PCDHGC4: variants seen among roughly 807,000 people sequenced by gnomAD.
The protein encoded by PCDHGC4 is protocadherin gamma-C4.
In PCDHGC4, 15 loss-of-function variants were observed where a neutral mutation model predicts 59.7. The ratio of observed to expected loss-of-function variants is 0.25; its 90% CI spans 0.17 to 0.39. The LOEUF is 0.39. Ranked by LOEUF, PCDHGC4 falls within the 10% of genes least tolerant of loss-of-function variation. The pLI is 1.00. For synonymous variants in PCDHGC4, 434 were observed against 481.4 expected (o/e 0.90, Z 1.29); for missense variants, 1,016 against 1,189.5 (o/e 0.85, Z 2.15).
At position 141,486,530 on chromosome 5, in the gene PCDHGC4, C is replaced by T; in HGVS notation, c.1357C>T (p.Pro453Ser). 6.2e-7 allele frequency: 1 copy of T among 1,614,174 alleles called. No homozygotes were observed. The highest frequency in any genetic ancestry group is 8.5e-7 in the Non-Finnish European group (1 of 1,180,022). The change falls in exon 1 of 4, where the codon CCC (proline) becomes TCC (serine). Residue 453 changes from proline (P) to serine (S), a missense_variant. By Grantham distance (74) the Pro-to-Ser change is moderately conservative. Transcript: ENST00000306593. The surrounding 1 kb of genome is among the most constrained non-coding windows in gnomAD (Gnocchi z 5.0). ...LNISDVNDNPPSFFQRSHEVF... is the reference protein window; with the variant it reads ...LNISDVNDNPSSFFQRSHEVF... Reference sequence around the variant, plus strand: ...TATTTCAGATGTGAATGATAATCCACCCTCTTTCTTTCAGAGGTCACATGA... The same window carrying T: ...TATTTCAGATGTGAATGATAATCCATCCTCTTTCTTTCAGAGGTCACATGA...
At position 141,505,406 on chromosome 5, in the gene PCDHGC4, G is replaced by A. The variant is rs546453598; in HGVS notation, c.2515G>A (p.Asp839Asn). 61 of 1,614,174 alleles carry A rather than the reference G, an allele frequency of 3.8e-5. No individual in the cohort carries two copies. The highest frequency in any genetic ancestry group is 1.1e-4 in the East Asian group (5 of 44,866). ...RPGTSGSQNG[D>N]DTGTWPNNQF... Reference sequence around the variant, plus strand: ...CTCTCTCCCCAGCTCCCAAAATGGCGATGACACCGGCACCTGGCCCAACAA... The same window carrying A: ...CTCTCTCCCCAGCTCCCAAAATGGCAATGACACCGGCACCTGGCCCAACAA... Residue 839 changes from aspartate to asparagine, a missense_variant, in exon 3 of 4, where the codon GAT (aspartate) becomes AAT (asparagine). Transcript: ENST00000306593.
At chr5:141,503,229 T>C (rs986982708) in intron 2 of PCDHGC4, among the ~76,000 whole-genome samples, 1 of 152,080 alleles carries the variant, frequency 6.6e-6, no homozygotes, top group African/African-American at 2.4e-5. Context: ...ACCGTAAAGA[T>C]GGACAGTTTC....
Position 141,490,900 on chromosome 5 carries a change from G to A in PCDHGC4, c.2442+3285G>A, listed in dbSNP as rs2099705863. 2 of 1,613,796 alleles carry A rather than the reference G, an allele frequency of 1.2e-6. No individual in the cohort carries two copies. The highest frequency in any genetic ancestry group is 2.7e-5 in the African/African-American group (2 of 75,050). ...TGCCAACACATCTCTGCATGTGTTT[G>A]TCCTAGACGAGAATGATAATGCCCC... On this transcript the variant is annotated intron_variant, in intron 1 of 3. Transcript: ENST00000306593. The surrounding 1 kb of genome is among the most constrained non-coding windows in gnomAD (Gnocchi z 5.4).
rs775654786 is a variant in PCDHGC4 at position 141,491,718 on chromosome 5, G to A, written c.2443-3089G>A. Reference sequence around the variant, plus strand: ...GGAGCCAGGTGAGGGGCTCGGCGCCGCCCCGGGCGACCCCTGGGGGCGGCA... The same window carrying A: ...GGAGCCAGGTGAGGGGCTCGGCGCCACCCCGGGCGACCCCTGGGGGCGGCA... On this transcript the variant is annotated intron_variant, in intron 1 of 3. Coordinates refer to ENST00000306593, the MANE Select transcript of PCDHGC4 (RefSeq NM_018928.3). This position sits in a 1 kb window ranked among gnomAD's most constrained non-coding sequence, Gnocchi z 6.9. 1 of 1,607,600 alleles carries A rather than the reference G, an allele frequency of 6.2e-7. No homozygotes were observed. The highest frequency in any genetic ancestry group is 2.2e-5 in the East Asian group (1 of 44,690).
Position 141,486,255 on chromosome 5 carries a change from A to G in PCDHGC4, c.1082A>G (p.Glu361Gly). 1 of 1,614,028 alleles carries G rather than the reference A, an allele frequency of 6.2e-7. No homozygotes were observed. ...TVTSELGTLP[E>G]SAEPGTVVAL... Reference sequence around the variant, plus strand: ...ACCTCAGAGCTTGGAACCCTCCCCGAGAGTGCAGAACCTGGCACTGTGGTG... The same window carrying G: ...ACCTCAGAGCTTGGAACCCTCCCCGGGAGTGCAGAACCTGGCACTGTGGTG... Residue 361 changes from glutamate to glycine, a missense_variant, in exon 1 of 4, where the codon GAG becomes GGG. Coordinates refer to ENST00000306593, the MANE Select transcript of PCDHGC4 (RefSeq NM_018928.3). This position sits in a 1 kb window ranked among gnomAD's most constrained non-coding sequence, Gnocchi z 5.0.
chr5:141,511,215 A>G lies in PCDHGC4; in HGVS notation c.*42A>G, dbSNP rs1562250541. On this transcript the variant is annotated 3_prime_UTR_variant, in exon 4 of 4. Coordinates refer to ENST00000306593, the MANE Select transcript of PCDHGC4 (RefSeq NM_018928.3). ...AGAGCCACAGGGCGGCCTCTCCCCA[A>G]CCAGCCCAGCTTCTCCTTACCTGCA... The G allele has an allele frequency of 1.2e-6, 2 of 1,608,380 alleles. No individual in the cohort carries two copies. The highest frequency in any genetic ancestry group is 2.2e-5 in the East Asian group (1 of 44,560).
rs770619389 is a variant in PCDHGC4 at position 141,490,764 on chromosome 5, T to C, written c.2442+3149T>C. On this transcript the variant is annotated intron_variant, in intron 1 of 3. Coordinates refer to ENST00000306593, the MANE Select transcript of PCDHGC4 (RefSeq NM_018928.3). The surrounding 1 kb of genome is among the most constrained non-coding windows in gnomAD (Gnocchi z 5.4). ...GAGCCCCAGCCTCCTCCTTTGTGTA[T>C]GTCAACCCAGAGGATGGACGGATCT... is the stretch of plus-strand genomic sequence containing the variant. 22 of 1,613,970 alleles carry C rather than the reference T, an allele frequency of 1.4e-5. No individual in the cohort carries two copies. Among genetic ancestry groups the C allele is most frequent in the Non-Finnish European group, 1.6e-5 (19 of 1,179,928 alleles).
intron 2 of PCDHGC4, among the ~76,000 whole-genome samples, chr5:141,503,456 A>G (rs920770738): frequency 1.3e-5 from 2 of 152,058 alleles, no homozygotes; most frequent in African/African-American, 4.8e-5. Context: ...TTCGCTGGGC[A>G]TGGTGGCATG....
At chr5:141,494,736 T>C in intron 1 of PCDHGC4, 71 bp from the exon 2 acceptor site, 1 of 1,611,858 alleles carries the variant, frequency 6.2e-7, no homozygotes, top group Non-Finnish European at 8.5e-7. Context: ...TCCCGGCCCA[T>C]CCCTAGGGGC....
At chr5:141,499,698 T>C (rs1312388510) in intron 2 of PCDHGC4, among the ~76,000 whole-genome samples, 2 of 149,810 alleles carry the variant, frequency 1.3e-5, no homozygotes, top group African/African-American at 2.5e-5. Context: ...ACTTTTTTTT[T>C]TTTTTTTTTT....
At chr5:141,502,368 G>A (rs2099813930) in intron 2 of PCDHGC4, among the ~76,000 whole-genome samples, 1 of 151,996 alleles carries the variant, frequency 6.6e-6, no homozygotes, top group East Asian at 1.9e-4. Context: ...TATTTTTAAA[G>A]AGTCCAGGCC....
chr5:141,489,904 C>T lies in PCDHGC4; in HGVS notation c.2442+2289C>T, dbSNP rs750411680. On this transcript the variant is annotated intron_variant, in intron 1 of 3. Transcript: ENST00000306593. This position sits in a 1 kb window ranked among gnomAD's most constrained non-coding sequence, Gnocchi z 4.5. ...TGCTGTGGATGGGGGGACCCCAGCC[C>T]GCTCAGGGACCACCCTTATCTCTGT... 1.6e-5 allele frequency: 26 copies of T among 1,614,092 alleles called. No homozygotes were observed. The highest frequency in any genetic ancestry group is 3.3e-5 in the Admixed American group (2 of 60,014).
Position 141,511,590 on chromosome 5 carries a change from A to C in PCDHGC4, c.*417A>C, listed in dbSNP as rs2099883868. On this transcript the variant is annotated 3_prime_UTR_variant, in exon 4 of 4. Transcript: ENST00000306593. ...AGTAAGGTGGTTGGGGTGTTGAAGT[A>C]CCAAGTAACCTACAAGCCTCCTAGT... The C allele has an allele frequency of 3.7e-6, 1 of 267,790 alleles. No homozygotes were observed. Among genetic ancestry groups the C allele is most frequent in the Admixed American group, 4.8e-5 (1 of 20,946 alleles). The allele number at this position is 267,790 out of a possible 1,614,324, so 16.6% of individuals were successfully genotyped here.
In PCDHGC4 at chr5:141,511,281, G is replaced by A; in HGVS notation, c.*108G>A. The A allele has an allele frequency of 2.0e-6, 3 of 1,531,280 alleles. No homozygotes were observed. Among genetic ancestry groups the A allele is most frequent in the Non-Finnish European group, 2.6e-6 (3 of 1,137,132 alleles). 94.9% of individuals were successfully genotyped at this position (1,531,280 alleles called of 1,614,324 possible). ...TTCAGGGCTAACCCCCAGAATACTG[G>A]TAGGGGCCAAGGCCATGCTCCCCTT... On this transcript the variant is annotated 3_prime_UTR_variant, in exon 4 of 4. Transcript: ENST00000306593.
chr5:141,491,612 G>C lies in PCDHGC4; in HGVS notation c.2443-3195G>C, dbSNP rs759955730. 1 of 1,613,906 alleles carries C rather than the reference G, an allele frequency of 6.2e-7. No individual in the cohort carries two copies. Among genetic ancestry groups the C allele is most frequent in the South Asian group, 1.1e-5 (1 of 91,080 alleles). ...GACGGCAGTGACTTCACTTTTCTAA[G>C]ACCCCTCAGCGTTCAGCAGCCCACA... On this transcript the variant is annotated intron_variant, in intron 1 of 3. Transcript: ENST00000306593. The surrounding 1 kb of genome is among the most constrained non-coding windows in gnomAD (Gnocchi z 6.9).
In PCDHGC4 at chr5:141,491,764, C is replaced by T; in HGVS notation, c.2443-3043C>T. The stretch of plus-strand genomic sequence containing the variant: ...CGGCACTGGAGAAGCCGCCCGTCCT[C>T]ATAAGGGATTGAACTTGCATCCACT... On this transcript the variant is annotated intron_variant, in intron 1 of 3. Transcript: ENST00000306593. The surrounding 1 kb of genome is among the most constrained non-coding windows in gnomAD (Gnocchi z 6.9). The T allele has an allele frequency of 6.4e-7, 1 of 1,570,206 alleles. No homozygotes were observed. Among genetic ancestry groups the T allele is most frequent in the Non-Finnish European group, 8.6e-7 (1 of 1,159,296 alleles).
intron 2 of PCDHGC4, among the ~76,000 whole-genome samples, chr5:141,497,809 G>A (rs1256990692): frequency 1.3e-5 from 2 of 152,190 alleles, no homozygotes. Context: ...CAAAGTGCTA[G>A]AATTACAGGT....
At chr5:141,507,833 G>C (rs1184502436) in intron 3 of PCDHGC4, among the ~76,000 whole-genome samples, 2 of 152,172 alleles carry the variant, frequency 1.3e-5, no homozygotes, top group East Asian at 3.9e-4. Flanking sequence ...GGAGGTGGTG[G>C]GTCAGGCCCT....
chr5:141,497,775 A>G (rs2099779384), intron 2 of PCDHGC4, among the ~76,000 whole-genome samples: 2 of 152,054 alleles, frequency 1.3e-5, no homozygotes, highest in South Asian at 4.2e-4. Context: ...CCCGACCTCA[A>G]CTGATCCACC....
Sources: gnomAD v4.1 joint callset for allele counts (sites outside exome capture counted in the v4.1 genomes callset) on GRCh38, gnomAD v4.1.1 for gene constraint, Gnocchi (gnomAD v3.1) non-coding constraint, MANE v1.5 for transcripts, NCBI Gene and HGNC (gene_info 2026-07-23, HGNC 2026-07-21) for gene names.